NAV2: variants seen among roughly 807,000 people sequenced by gnomAD.
NAV2 encodes the protein helicase, APC down-regulated 1.
Under a neutral mutation model 223.2 loss-of-function variants are expected in NAV2, and 54 were observed. That is an observed-to-expected ratio of 0.24 (90% CI 0.19 to 0.30). NAV2 has a LOEUF of 0.30. Among genes scored for constraint, NAV2 ranks in the 10% least tolerant of loss-of-function variants. The pLI, the probability that NAV2 is intolerant of heterozygous loss-of-function variation, is 1.00. For synonymous variants in NAV2, 1,279 were observed against 1,239.3 expected, an observed-to-expected ratio of 1.03 and a Z score of -0.67; for missense variants, 2,806 against 3,147.5, an observed-to-expected ratio of 0.89 and a Z score of 2.60.
At chr11:19,468,284 T>G (rs1175141068) in intron 1 of NAV2, among the ~76,000 whole-genome samples, 1 of 152,236 alleles carries the variant, frequency 6.6e-6, no homozygotes, top group African/African-American at 2.4e-5. Flanking sequence ...TGTAACAAAG[T>G]GCCACAAACT....
At chr11:19,362,050 A>G (rs1470161176) in intron 1 of NAV2, among the ~76,000 whole-genome samples, 1 of 152,162 alleles carries the variant, frequency 6.6e-6, no homozygotes. Context: ...GATGAGCTGG[A>G]GAGGGAGATG....
intron 1 of NAV2, among the ~76,000 whole-genome samples, chr11:19,762,574 G>C (rs1233045672): frequency 6.6e-6 from 1 of 151,576 alleles, no homozygotes; most frequent in Non-Finnish European, 1.5e-5. Flanking sequence ...CAACTACTTG[G>C]GTATCAGCAT....
upstream of NAV2, among the ~76,000 whole-genome samples, chr11:19,349,624 C>T (rs1434241721): frequency 1.3e-5 from 2 of 152,170 alleles, no homozygotes; most frequent in African/African-American, 4.8e-5. Flanking sequence ...TAGTAAAGAG[C>T]TCCCCAGCCC....
intron 10 of NAV2, among the ~76,000 whole-genome samples, chr11:19,956,346 A>AC (rs1491123787): frequency 6.6e-6 from 1 of 151,656 alleles, no homozygotes; most frequent in Non-Finnish European, 1.5e-5. Context: ...CCACAAGATT[A>AC]CCACACCCCC....
At chr11:19,487,053 T>C (rs1054248334) in intron 1 of NAV2, among the ~76,000 whole-genome samples, 1 of 152,160 alleles carries the variant, frequency 6.6e-6, no homozygotes, top group African/African-American at 2.4e-5. Context: ...AGAATAGGGC[T>C]CAGGCACATT....
chr11:19,664,914 A>C (rs1311537601), intron 1 of NAV2, among the ~76,000 whole-genome samples: 1 of 152,238 alleles, frequency 6.6e-6, no homozygotes, highest in Non-Finnish European at 1.5e-5. Flanking sequence ...AGGTTTAGCT[A>C]TATCTGCTTC....
chr11:19,355,850 G>T (rs957714131), intron 1 of NAV2, among the ~76,000 whole-genome samples: 1 of 152,196 alleles, frequency 6.6e-6, no homozygotes, highest in Non-Finnish European at 1.5e-5. Context: ...CCAGTAGTGA[G>T]GCTGGGCTAC....
intron 1 of NAV2, among the ~76,000 whole-genome samples, chr11:19,659,717 A>T (rs2048223879): frequency 6.6e-6 from 1 of 152,140 alleles, no homozygotes; most frequent in Admixed American, 6.5e-5. Flanking sequence ...TTTCTTTGAG[A>T]CATTGAAGAC....
chr11:19,687,195 G>A (rs913151928), intron 1 of NAV2, among the ~76,000 whole-genome samples: 9 of 152,168 alleles, frequency 5.9e-5, no homozygotes, highest in African/African-American at 2.2e-4. Context: ...GGGAGACAGC[G>A]CAGGCTGTCA....
intron 1 of NAV2, among the ~76,000 whole-genome samples, chr11:19,443,900 A>G (rs1285575360): frequency 6.6e-6 from 1 of 152,188 alleles, no homozygotes; most frequent in Admixed American, 6.5e-5. Context: ...AGTGTTCAAT[A>G]AGGGACAACT....
intron 1 of NAV2, among the ~76,000 whole-genome samples, chr11:19,817,780 A>C (rs1236025371): frequency 6.6e-6 from 1 of 152,114 alleles, no homozygotes; most frequent in Non-Finnish European, 1.5e-5. Context: ...CTTAATGGGG[A>C]GTAACTGAAC....
intron 1 of NAV2, among the ~76,000 whole-genome samples, chr11:19,687,789 G>GCA (rs1298178361): frequency 1.5e-4 from 23 of 152,098 alleles, no homozygotes; most frequent in Admixed American, 1.0e-3. Flanking sequence ...GCATGCGTGT[G>GCA]TGTGTGTGTG....
chr11:20,086,961 A>G (rs1459908059), intron 26 of NAV2, among the ~76,000 whole-genome samples: 2 of 147,852 alleles, frequency 1.4e-5, no homozygotes, highest in African/African-American at 2.5e-5. Context: ...ACACAGACTT[A>G]TTGGTGGTGT....
rs35999844 is a variant in NAV2, at chr11:20,005,253, A to AT, written c.2768+21021dup. Among the ~76,000 whole-genome samples, 161 of 134,544 alleles carry AT rather than the reference A, an allele frequency of 1.2e-3. 1 individual carries two copies. The highest frequency in any genetic ancestry group is 4.2e-3 in the African/African-American group (149 of 35,762). The allele number at this position is 134,544 out of a possible 152,430, so 88.3% of individuals were successfully genotyped here. On this transcript the variant is annotated intron_variant, in intron 11 of 37. Coordinates refer to ENST00000349880, the MANE Select transcript of NAV2 (RefSeq NM_145117.5). ...GAGTTTTAATCATATATATATATATATTTTTTTTTTTTTTTGAGATGGAGT... is the reference window on the plus strand; with the variant it reads ...GAGTTTTAATCATATATATATATATATTTTTTTTTTTTTTTTGAGATGGAGT...
chr11:19,975,685 G>GA (rs1193905785), intron 10 of NAV2, among the ~76,000 whole-genome samples: 5 of 152,234 alleles, frequency 3.3e-5, no homozygotes, highest in Non-Finnish European at 7.3e-5. Context: ...AGGGTAACGT[G>GA]AATTGTAGCA....
intron 1 of NAV2, among the ~76,000 whole-genome samples, chr11:19,674,316 G>A (rs1414051313): frequency 1.3e-5 from 2 of 152,180 alleles, no homozygotes; most frequent in African/African-American, 4.8e-5. Context: ...AGAGGGACGG[G>A]AGGGCGCGCT....
intron 1 of NAV2, among the ~76,000 whole-genome samples, chr11:19,360,597 A>G (rs1853878513): frequency 1.3e-5 from 2 of 152,238 alleles, no homozygotes; most frequent in Admixed American, 1.3e-4. Context: ...GGGCCAGTCA[A>G]TTATCACTAG....
At chr11:19,855,836 A>G (rs1268022957) in intron 3 of NAV2, among the ~76,000 whole-genome samples, 1 of 152,200 alleles carries the variant, frequency 6.6e-6, no homozygotes, top group Non-Finnish European at 1.5e-5. Context: ...TTTCCTCTAC[A>G]TACATTGCAT....
intron 1 of NAV2, among the ~76,000 whole-genome samples, chr11:19,561,719 C>T (rs2045104496): frequency 6.6e-6 from 1 of 152,302 alleles, no homozygotes; most frequent in East Asian, 1.9e-4. Flanking sequence ...GCTTCTTATA[C>T]CACTTGGCAT....
Sources: allele counts gnomAD v4.1 joint callset (sites outside exome capture counted in the v4.1 genomes callset), GRCh38; gene constraint gnomAD v4.1.1; transcripts MANE v1.5; gene names NCBI Gene and HGNC (gene_info 2026-07-23, HGNC 2026-07-21).